The following PGM5 variants were observed in gnomAD, a reference collection of about 807,000 sequenced individuals.
The protein encoded by PGM5 is phosphoglucomutase 5, also known as phosphoglucomutase-like protein 5.
PGM5 carries 23 observed loss-of-function variants against 59.2 expected under a neutral mutation model. That is an observed-to-expected ratio of 0.39 (90% CI 0.28 to 0.55). The LOEUF (loss-of-function observed/expected upper bound fraction) is 0.55, where lower values mean the gene tolerates loss of function less well. PGM5 is among the 20% of genes least tolerant of loss of function. The pLI is 0.66. For missense variants in PGM5, 574 were observed against 748.3 expected, an observed-to-expected ratio of 0.77 and a Z score of 2.72; for synonymous variants, 214 against 286.0, an observed-to-expected ratio of 0.75 and a Z score of 2.54.
chr9:68,502,265 CA>C (rs1188016739), intron 10 of PGM5, among the ~76,000 whole-genome samples: 1 of 152,122 alleles, frequency 6.6e-6, no homozygotes, highest in Non-Finnish European at 1.5e-5. Context: ...ATTTTACCAG[CA>C]ATCAGTAGGC....
chr9:68,463,177 T>C (rs974503580), intron 6 of PGM5, among the ~76,000 whole-genome samples: 8 of 151,264 alleles, frequency 5.3e-5, no homozygotes, highest in African/African-American at 2.0e-4. Context: ...CAAGAGTTTC[T>C]AGATGTTTTT....
chr9:68,453,743 G>A (rs1363241407), intron 6 of PGM5, among the ~76,000 whole-genome samples: 2 of 152,206 alleles, frequency 1.3e-5, no homozygotes, highest in Non-Finnish European at 2.9e-5. Flanking sequence ...TCCATGTTCT[G>A]ATGGGCCCCA....
At chr9:68,418,107 G>C (rs1185023443) in intron 6 of PGM5, among the ~76,000 whole-genome samples, 2 of 152,182 alleles carry the variant, frequency 1.3e-5, no homozygotes, top group Admixed American at 1.3e-4. Flanking sequence ...TCTCCACTTT[G>C]TCCTTCACTA....
chr9:68,370,220 G>A (rs1554677058), intron 1 of PGM5, among the ~76,000 whole-genome samples: 1 of 151,960 alleles, frequency 6.6e-6, no homozygotes, highest in Admixed American at 6.6e-5. Flanking sequence ...GGAGTGATAG[G>A]GATTATAACA....
chr9:68,370,578 A>G (rs1821666712), intron 1 of PGM5, among the ~76,000 whole-genome samples: 1 of 152,254 alleles, frequency 6.6e-6, no homozygotes, highest in Admixed American at 6.5e-5. Flanking sequence ...AGATCATTAA[A>G]AAACCATAGT....
At chr9:68,479,658 G>A (rs1554686960) in intron 8 of PGM5, 105 bp downstream of exon 8, 2 of 1,209,188 alleles carry the variant, frequency 1.7e-6, no homozygotes, top group Admixed American at 2.4e-5. Flanking sequence ...CATCAGGCCG[G>A]GCGCGGTGGC....
At chr9:68,360,971 T>C in intron 1 of PGM5, among the ~76,000 whole-genome samples, 1 of 152,234 alleles carries the variant, frequency 6.6e-6, no homozygotes, top group Non-Finnish European at 1.5e-5. Flanking sequence ...CAGCCTGAAG[T>C]GCAGTGAAAC....
At chr9:68,399,109 T>A (rs1554680314) in intron 6 of PGM5, 3 of 152,218 alleles carry the variant, frequency 2.0e-5, no homozygotes, top group Non-Finnish European at 4.4e-5. Flanking sequence ...GACCACACTT[T>A]AAGATCCTCT....
chr9:68,521,932 G>A (rs1824905550), intron 10 of PGM5, among the ~76,000 whole-genome samples: 1 of 152,156 alleles, frequency 6.6e-6, no homozygotes, highest in Non-Finnish European at 1.5e-5. Context: ...TCCACACAGG[G>A]CATGGAGCCA....
At chr9:68,405,264 G>C (rs1227836371) in intron 6 of PGM5, 2 of 152,212 alleles carry the variant, frequency 1.3e-5, no homozygotes, top group Non-Finnish European at 2.9e-5. Context: ...AGAGCTAGGA[G>C]GAGGGTCATT....
intron 1 of PGM5, among the ~76,000 whole-genome samples, chr9:68,372,324 C>T (rs1178663213): frequency 2.0e-5 from 3 of 151,016 alleles, no homozygotes; most frequent in Non-Finnish European, 2.9e-5. Context: ...CTTGGCTTCC[C>T]GGGTGTGGCT....
chr9:68,432,052 C>A (rs1211683982), intron 6 of PGM5, among the ~76,000 whole-genome samples: 1 of 151,788 alleles, frequency 6.6e-6, no homozygotes, highest in Non-Finnish European at 1.5e-5. Context: ...TTGTGGGGTT[C>A]TTTTTGTTGT....
chr9:68,503,995 C>T (rs1824618534), intron 10 of PGM5, among the ~76,000 whole-genome samples: 2 of 152,214 alleles, frequency 1.3e-5, no homozygotes, highest in African/African-American at 4.8e-5. Context: ...TTCTAACAAG[C>T]TCCCAGGCAA....
intron 10 of PGM5, among the ~76,000 whole-genome samples, chr9:68,518,096 G>C (rs1048580049): frequency 8.5e-5 from 13 of 152,224 alleles, no homozygotes; most frequent in African/African-American, 3.1e-4. Flanking sequence ...AGGCAGACCT[G>C]TGTGGCATTT....
chr9:68,509,056 G>A (rs1824703129), intron 10 of PGM5, among the ~76,000 whole-genome samples: 1 of 152,190 alleles, frequency 6.6e-6, no homozygotes, highest in African/African-American at 2.4e-5. Flanking sequence ...TCCCAACACG[G>A]TCATGCTTCA....
At chr9:68,444,617 A>G (rs1244052252) in intron 6 of PGM5, among the ~76,000 whole-genome samples, 4 of 149,396 alleles carry the variant, frequency 2.7e-5, no homozygotes, top group African/African-American at 1.0e-4. Context: ...TCTTAGTATG[A>G]GTTGAGTCGC....
At chr9:68,516,894 A>T (rs1824832478) in intron 10 of PGM5, among the ~76,000 whole-genome samples, 1 of 151,970 alleles carries the variant, frequency 6.6e-6, no homozygotes, top group East Asian at 1.9e-4. Context: ...GTTTTGAGAC[A>T]GAGTTTCGCT....
At chr9:68,509,270 A>T (rs927936855) in intron 10 of PGM5, among the ~76,000 whole-genome samples, 9 of 152,226 alleles carry the variant, frequency 5.9e-5, no homozygotes, top group African/African-American at 1.7e-4. Flanking sequence ...AGGGAGGAGC[A>T]TCTCAAAGCC....
intron 2 of PGM5, 130 bp from the exon 3 acceptor site, chr9:68,384,268 T>A (rs1270305505): frequency 7.6e-6 from 5 of 660,260 alleles, no homozygotes; most frequent in Non-Finnish European, 1.1e-5. Context: ...CTAATTGAAC[T>A]GTGAACCATT....
Sources: allele counts gnomAD v4.1 joint callset (sites outside exome capture counted in the v4.1 genomes callset), GRCh38; gene constraint gnomAD v4.1.1; transcripts MANE v1.5; gene names NCBI Gene and HGNC (gene_info 2026-07-23, HGNC 2026-07-21).